Variants in LRP1B observed in about 807,000 individuals in gnomAD.
The protein encoded by LRP1B is LDL receptor related protein 1B.
Under a neutral mutation model 556.6 loss-of-function variants are expected in LRP1B, and 217 were observed. That is an observed-to-expected ratio of 0.39 (90% confidence interval 0.35 to 0.44). The LOEUF (loss-of-function observed/expected upper bound fraction) is 0.44. Ranked by LOEUF, LRP1B falls within the 20% of genes least tolerant of loss-of-function variation. The pLI is 1.00. For synonymous variants in LRP1B, 2,047 were observed against 1,865.8 expected (o/e 1.10, Z -2.50); for missense variants, 5,053 against 5,620.8 (o/e 0.90, Z 3.23).
chr2:140,774,066 T>C (rs1017456918), intron 33 of LRP1B, among the ~76,000 whole-genome samples: 1 of 152,092 alleles, frequency 6.6e-6, no homozygotes, highest in African/African-American at 2.4e-5. Flanking sequence ...AGTCACTAAT[T>C]GTACTTTGAA....
At chr2:141,845,222 TCA>T (rs889770441) in intron 1 of LRP1B, among the ~76,000 whole-genome samples, 5 of 151,792 alleles carry the variant, frequency 3.3e-5, no homozygotes, top group African/African-American at 9.7e-5. Flanking sequence ...CAAAGTAATA[TCA>T]CAGTCTTTTT....
At chr2:140,331,706 T>A (rs1035558659) in intron 79 of LRP1B, among the ~76,000 whole-genome samples, 1 of 146,954 alleles carries the variant, frequency 6.8e-6, no homozygotes, top group Non-Finnish European at 1.5e-5. Context: ...TATATATATA[T>A]AATTTTAAAA....
At chr2:141,111,545 G>T (rs1415051705) in intron 7 of LRP1B, among the ~76,000 whole-genome samples, 2 of 152,100 alleles carry the variant, frequency 1.3e-5, no homozygotes, top group Non-Finnish European at 2.9e-5. Flanking sequence ...GTACTACGGG[G>T]CTTGCCTAAA....
intron 55 of LRP1B, among the ~76,000 whole-genome samples, chr2:140,501,224 A>G (rs921964235): frequency 2.0e-5 from 3 of 151,982 alleles, no homozygotes; most frequent in Non-Finnish European, 4.4e-5. Flanking sequence ...TTCATAGTTT[A>G]TGGATTTTTT....
chr2:141,011,429 A>G (rs1697745403), intron 14 of LRP1B, among the ~76,000 whole-genome samples: 1 of 152,090 alleles, frequency 6.6e-6, no homozygotes, highest in Non-Finnish European at 1.5e-5. Flanking sequence ...CTAAAAATTT[A>G]GAACTCAATT....
chr2:141,003,370 G>A (rs976497114), intron 15 of LRP1B, among the ~76,000 whole-genome samples: 1 of 152,020 alleles, frequency 6.6e-6, no homozygotes, highest in African/African-American at 2.4e-5. Flanking sequence ...TAGCTTAAAA[G>A]TCTAAATTGT....
chr2:141,051,485 A>G (rs947357322), intron 10 of LRP1B, among the ~76,000 whole-genome samples: 4 of 152,086 alleles, frequency 2.6e-5, no homozygotes, highest in Non-Finnish European at 5.9e-5. Flanking sequence ...AGGGATACAG[A>G]TGAAGCTAGA....
In LRP1B at chr2:140,272,998, CT is replaced by C. The variant is rs574274899; in HGVS notation, c.13142+1425del. On this transcript the variant is annotated intron_variant, in intron 85 of 90. Coordinates refer to ENST00000389484, the MANE Select transcript of LRP1B (RefSeq NM_018557.3). ...TCTGTTTTGGAGAAGGGACTTTTGACTGTATAGCAAGCGATACTGAGGGACC... is the reference window on the plus strand; with the variant it reads ...TCTGTTTTGGAGAAGGGACTTTTGACGTATAGCAAGCGATACTGAGGGACC... 7.2e-5 allele frequency among the ~76,000 whole-genome samples: 11 copies of C among 152,074 alleles called. No homozygotes were observed. In the South Asian group the frequency reaches 2.1e-3, roughly 29 times the overall value.
At chr2:141,049,852 G>T (rs1278976577) in intron 10 of LRP1B, among the ~76,000 whole-genome samples, 2 of 151,922 alleles carry the variant, frequency 1.3e-5, no homozygotes, top group East Asian at 3.9e-4. Context: ...CAGTAACTCT[G>T]ATGTACAACA....
chr2:141,651,374 T>TA (rs1689784248), intron 2 of LRP1B, among the ~76,000 whole-genome samples: 1 of 152,158 alleles, frequency 6.6e-6, no homozygotes, highest in African/African-American at 2.4e-5. Context: ...AAAAGTATTT[T>TA]AAAAATGGGC....
chr2:141,395,800 A>G (rs1357993080), intron 3 of LRP1B, among the ~76,000 whole-genome samples: 1 of 152,148 alleles, frequency 6.6e-6, no homozygotes, highest in Admixed American at 6.6e-5. Context: ...AGTATTTCAG[A>G]AGCCTGATGC....
At chr2:142,038,027 G>A (rs1159200370) in intron 1 of LRP1B, among the ~76,000 whole-genome samples, 1 of 151,340 alleles carries the variant, frequency 6.6e-6, no homozygotes, top group African/African-American at 2.4e-5. Context: ...TCATCTTCTA[G>A]TAGTTTCTAC....
chr2:141,728,658 A>G (rs1316103767), intron 2 of LRP1B, among the ~76,000 whole-genome samples: 5 of 152,100 alleles, frequency 3.3e-5, no homozygotes, highest in Admixed American at 3.3e-4. Flanking sequence ...TGACTGTAGC[A>G]ATGTAATACT....
At chr2:141,455,555 G>A (rs1365113128) in intron 3 of LRP1B, among the ~76,000 whole-genome samples, 1 of 150,948 alleles carries the variant, frequency 6.6e-6, no homozygotes, top group Non-Finnish European at 1.5e-5. Context: ...ACTACAAAAA[G>A]ATGGAGATGG....
intron 84 of LRP1B, among the ~76,000 whole-genome samples, chr2:140,291,951 C>T (rs908862697): frequency 3.3e-5 from 5 of 152,150 alleles, no homozygotes; most frequent in African/African-American, 9.7e-5. Flanking sequence ...TCCTATTTCT[C>T]CACATCCTCT....
chr2:141,822,130 C>CACAGAAAGAGAG (rs374369026), intron 1 of LRP1B, among the ~76,000 whole-genome samples: 4 of 95,864 alleles, frequency 4.2e-5, no homozygotes, highest in African/African-American at 1.8e-4. Context: ...CACACACACA[C>CACAGAAAGAGAG]AGAGAGAGAG....
At chr2:141,758,098 G>A (rs566023169) in intron 2 of LRP1B, among the ~76,000 whole-genome samples, 3 of 152,030 alleles carry the variant, frequency 2.0e-5, no homozygotes, top group Non-Finnish European at 4.4e-5. Context: ...TCATATGTAG[G>A]CCCCTTAAGT....
chr2:141,464,857 G>A (rs1174215155), intron 3 of LRP1B, among the ~76,000 whole-genome samples: 5 of 151,770 alleles, frequency 3.3e-5, no homozygotes, highest in Admixed American at 2.6e-4. Context: ...ATTTGGGGGT[G>A]TAAAAAGTGT....
chr2:141,862,374 C>T (rs116231573), intron 1 of LRP1B, among the ~76,000 whole-genome samples: 2,911 of 152,062 alleles, frequency 0.019, 75 homozygotes, highest in South Asian at 0.062. Flanking sequence ...GAATTGGATC[C>T]GCATATTGCC....
Sources: gnomAD v4.1 joint callset for allele counts (sites outside exome capture counted in the v4.1 genomes callset) on GRCh38, gnomAD v4.1.1 for gene constraint, MANE v1.5 for transcripts, NCBI Gene and HGNC (gene_info 2026-07-23, HGNC 2026-07-21) for gene names.